Variants in GPR158 observed in about 807,000 individuals in gnomAD.
The protein encoded by GPR158 is G protein-coupled receptor 158.
A neutral mutation model predicts 78.2 loss-of-function variants in GPR158; 30 were observed. The ratio of observed to expected loss-of-function variants is 0.38; its 90% CI spans 0.29 to 0.52. The LOEUF is 0.52. Ranked by LOEUF, GPR158 falls within the 20% of genes least tolerant of loss-of-function variation. The pLI is 0.83. For missense variants in GPR158, 1,463 were observed against 1,523.5 expected (o/e 0.96, Z 0.66); for synonymous variants, 581 against 591.1 (o/e 0.98, Z 0.25).
chr10:25,215,580 A>G (rs754125823), intron 1 of GPR158, among the ~76,000 whole-genome samples: 11 of 152,224 alleles, frequency 7.2e-5, no homozygotes, highest in Non-Finnish European at 1.6e-4. Flanking sequence ...CATGCCTGCA[A>G]TCCTAGCACT....
chr10:25,493,366 T>A (rs1019733368), intron 5 of GPR158, among the ~76,000 whole-genome samples: 1 of 152,168 alleles, frequency 6.6e-6, no homozygotes, highest in Non-Finnish European at 1.5e-5. Flanking sequence ...TCTGCACCAC[T>A]CAGATAAGCC....
intron 2 of GPR158, among the ~76,000 whole-genome samples, chr10:25,361,573 T>C (rs2225259): frequency 0.18 from 27,336 of 151,876 alleles, 3,098 homozygotes; most frequent in African/African-American, 0.32. Flanking sequence ...AGGGTACCAA[T>C]TTTTCCACAT....
At chr10:25,345,390 A>C (rs11014509) in intron 2 of GPR158, among the ~76,000 whole-genome samples, 4,009 of 152,090 alleles carry the variant, frequency 0.026, 179 homozygotes, top group African/African-American at 0.092. Context: ...AAAATCGGTC[A>C]ATAAGAGTAC....
chr10:25,364,324 T>A (rs917096327), intron 2 of GPR158, among the ~76,000 whole-genome samples: 5 of 152,004 alleles, frequency 3.3e-5, no homozygotes, highest in Middle Eastern at 3.4e-3. Context: ...GGCCTTAGAA[T>A]ACACTGCCAG....
chr10:25,564,909 A>G (rs1836908583), intron 6 of GPR158, among the ~76,000 whole-genome samples: 2 of 152,050 alleles, frequency 1.3e-5, no homozygotes, highest in Admixed American at 1.3e-4. Flanking sequence ...CTATTCCATC[A>G]TTTTTGAGAT....
intron 5 of GPR158, among the ~76,000 whole-genome samples, chr10:25,491,190 G>C (rs1835804652): frequency 6.6e-6 from 1 of 152,072 alleles, no homozygotes. Flanking sequence ...TTGTAAAAGA[G>C]TCAATTATTG....
At chr10:25,290,221 A>G (rs553372511) in intron 2 of GPR158, among the ~76,000 whole-genome samples, 1 of 152,254 alleles carries the variant, frequency 6.6e-6, no homozygotes, top group Non-Finnish European at 1.5e-5. Flanking sequence ...AAGACATTTC[A>G]TAACATTGGC....
At chr10:25,489,926 G>A (rs1384122481) in intron 5 of GPR158, among the ~76,000 whole-genome samples, 3 of 152,132 alleles carry the variant, frequency 2.0e-5, no homozygotes, top group Admixed American at 6.6e-5. Context: ...GACTATCTTT[G>A]TGACCTTGAA....
intron 1 of GPR158, among the ~76,000 whole-genome samples, chr10:25,190,853 A>G (rs1473472809): frequency 1.3e-5 from 2 of 152,224 alleles, no homozygotes; most frequent in East Asian, 3.9e-4. Context: ...AACATGAAAC[A>G]TACACAACCT....
intron 2 of GPR158, among the ~76,000 whole-genome samples, chr10:25,268,258 T>G (rs1854069322): frequency 6.6e-6 from 1 of 152,168 alleles, no homozygotes; most frequent in Non-Finnish European, 1.5e-5. Context: ...AAAATAATTT[T>G]TACTTGAATA....
At chr10:25,421,495 T>C (rs1444501893) in intron 4 of GPR158, among the ~76,000 whole-genome samples, 1 of 152,164 alleles carries the variant, frequency 6.6e-6, no homozygotes. Context: ...CTGTAGAAGT[T>C]CCTTACTGAT....
rs571485742 is a variant in GPR158 at position 25,415,560 on chromosome 10, G to T, written c.1335+3087G>T. On this transcript the variant is annotated intron_variant, in intron 4 of 10. Coordinates refer to ENST00000376351, the MANE Select transcript of GPR158 (RefSeq NM_020752.3). ...ATTCATTCCTGTTGGAAATGTAAAT[G>T]GTACAGCCCTTTTGGAAAACAGTTT... Among the ~76,000 whole-genome samples, 59 of 152,134 alleles carry T rather than the reference G, an allele frequency of 3.9e-4. No homozygotes were observed. The South Asian group carries it at 0.012, about 32-fold the overall frequency.
chr10:25,219,885 C>G (rs1368475617), intron 1 of GPR158, among the ~76,000 whole-genome samples: 1 of 152,056 alleles, frequency 6.6e-6, no homozygotes, highest in African/African-American at 2.4e-5. Flanking sequence ...TTTGTTTTGG[C>G]AAAGCATAAT....
chr10:25,510,610 A>C (rs1836072458), intron 5 of GPR158, among the ~76,000 whole-genome samples: 1 of 152,128 alleles, frequency 6.6e-6, no homozygotes, highest in Non-Finnish European at 1.5e-5. Context: ...TTACATGAAT[A>C]AGTTTTTTAG....
At chr10:25,359,663 G>T (rs1449627431) in intron 2 of GPR158, among the ~76,000 whole-genome samples, 2 of 152,144 alleles carry the variant, frequency 1.3e-5, no homozygotes, top group African/African-American at 4.8e-5. Context: ...TATCATTGAT[G>T]GGCATTTTGG....
intron 1 of GPR158, among the ~76,000 whole-genome samples, chr10:25,199,498 G>A (rs140943977): frequency 1.3e-5 from 2 of 152,252 alleles, no homozygotes; most frequent in African/African-American, 4.8e-5. Flanking sequence ...TTTTATGGCT[G>A]CTGATATGGT....
chr10:25,502,228 C>G (rs974949160), intron 5 of GPR158, among the ~76,000 whole-genome samples: 1 of 152,122 alleles, frequency 6.6e-6, no homozygotes, highest in Non-Finnish European at 1.5e-5. Flanking sequence ...TCATGATTTC[C>G]ACAGCTCACT....
chr10:25,480,856 G>A (rs824610), intron 5 of GPR158, among the ~76,000 whole-genome samples: 67,516 of 151,958 alleles, frequency 0.44, 16,097 homozygotes, highest in East Asian at 0.8. Context: ...TTTTATCCTG[G>A]TGGACAGCCT....
intron 2 of GPR158, among the ~76,000 whole-genome samples, chr10:25,278,780 T>C (rs912155591): frequency 6.6e-6 from 1 of 151,540 alleles, no homozygotes; most frequent in Non-Finnish European, 1.5e-5. Context: ...AAATTAAGTT[T>C]ATCTGAAGTC....
Sources: gnomAD v4.1 joint callset for allele counts (sites outside exome capture counted in the v4.1 genomes callset) on GRCh38, gnomAD v4.1.1 for gene constraint, MANE v1.5 for transcripts, NCBI Gene and HGNC (gene_info 2026-07-23, HGNC 2026-07-21) for gene names.